Variants in PGCKA1 observed in about 807,000 individuals in gnomAD.
PGCKA1 encodes the protein PDCD10 and GCKIII kinases-associated protein 1.
the PGCKA1 span, among the ~76,000 whole-genome samples, chr4:37,494,871 G>A: frequency 2.0e-5 from 3 of 152,026 alleles, no homozygotes; most frequent in African/African-American, 7.2e-5. Context: ...TTTCTTTAAT[G>A]ATCAGTAATA....
chr4:37,502,501 G>T, the PGCKA1 span, among the ~76,000 whole-genome samples: 2 of 152,150 alleles, frequency 1.3e-5, no homozygotes, highest in Non-Finnish European at 2.9e-5. Context: ...TAGTGTTGAT[G>T]CAGGCACAGG....
chr4:37,542,554 G>T, the PGCKA1 span, among the ~76,000 whole-genome samples: 1 of 142,094 alleles, frequency 7.0e-6, no homozygotes, highest in Admixed American at 6.9e-5. Context: ...CTATCCAATA[G>T]AACTTTCTGT....
the PGCKA1 span, among the ~76,000 whole-genome samples, chr4:37,582,101 CAG>C: frequency 6.6e-6 from 1 of 152,178 alleles, no homozygotes; most frequent in Non-Finnish European, 1.5e-5. Flanking sequence ...CCCAAACACA[CAG>C]ATGCTCTCTC....
chr4:37,476,594 C>T, the PGCKA1 span, among the ~76,000 whole-genome samples: 2 of 152,072 alleles, frequency 1.3e-5, no homozygotes, highest in Non-Finnish European at 2.9e-5. Flanking sequence ...CAAATCCCAG[C>T]CCTAGAACTT....
chr4:37,467,911 A>G, the PGCKA1 span, among the ~76,000 whole-genome samples: 1 of 152,226 alleles, frequency 6.6e-6, no homozygotes, highest in Non-Finnish European at 1.5e-5. Flanking sequence ...GGGGAAAAGA[A>G]AGACTCCCAT....
the PGCKA1 span, among the ~76,000 whole-genome samples, chr4:37,458,253 G>A: frequency 5.9e-5 from 9 of 152,034 alleles, no homozygotes; most frequent in Non-Finnish European, 1.3e-4. Context: ...TCCTACTTCT[G>A]ACTAAAAAGC....
the PGCKA1 span, among the ~76,000 whole-genome samples, chr4:37,483,449 A>C: frequency 6.6e-6 from 1 of 152,002 alleles, no homozygotes; most frequent in African/African-American, 2.4e-5. Flanking sequence ...TTGTTCCTCC[A>C]CACCCTACAC....
At chr4:37,556,030 C>T in the PGCKA1 span, among the ~76,000 whole-genome samples, 12 of 152,144 alleles carry the variant, frequency 7.9e-5, no homozygotes, top group Non-Finnish European at 1.6e-4. Context: ...TTCCACGTTT[C>T]ATTAAATTTT....
At chr4:37,593,049 G>A in the PGCKA1 span, among the ~76,000 whole-genome samples, 3 of 152,154 alleles carry the variant, frequency 2.0e-5, no homozygotes, top group Admixed American at 6.5e-5. Context: ...ACAAGCCATC[G>A]CAAGTGACCT....
chr4:37,491,592 C>T, the PGCKA1 span, among the ~76,000 whole-genome samples: 5 of 152,178 alleles, frequency 3.3e-5, no homozygotes, highest in South Asian at 1.0e-3. Flanking sequence ...TACCAGGTAC[C>T]TTATCAATTC....
chr4:37,467,414 A>G, the PGCKA1 span, among the ~76,000 whole-genome samples: 1 of 152,218 alleles, frequency 6.6e-6, no homozygotes, highest in Non-Finnish European at 1.5e-5. Context: ...CAGGGAAAGC[A>G]GACTTTGCAG....
At chr4:37,545,400 T>C in the PGCKA1 span, among the ~76,000 whole-genome samples, 4 of 152,188 alleles carry the variant, frequency 2.6e-5, no homozygotes, top group Non-Finnish European at 5.9e-5. Context: ...CTGCATTCTT[T>C]GGCTGAGACG....
the PGCKA1 span, among the ~76,000 whole-genome samples, chr4:37,460,152 C>T: frequency 6.6e-6 from 1 of 152,134 alleles, no homozygotes; most frequent in Admixed American, 6.5e-5. Flanking sequence ...CATGTCCCTA[C>T]AGAAGACATG....
chr4:37,572,048 C>CTTTTTTTTTTTTTTTTTTTTTTTT, the PGCKA1 span, among the ~76,000 whole-genome samples: 1 of 111,630 alleles, frequency 9.0e-6, no homozygotes, highest in African/African-American at 3.3e-5. Context: ...AACTTCACAC[C>CTTTTTTTTTTTTTTTTTTTTTTTT]TTTTTTTTTT....
the PGCKA1 span, among the ~76,000 whole-genome samples, chr4:37,567,066 A>AAAAT: frequency 2.0e-4 from 30 of 150,044 alleles, no homozygotes; most frequent in African/African-American, 5.8e-4. Context: ...GCGGACAAAA[A>AAAAT]AAAATAAAAT....
chr4:37,588,121 A>G, the PGCKA1 span: 2 of 152,302 alleles, frequency 1.3e-5, no homozygotes, highest in African/African-American at 2.4e-5. Flanking sequence ...TCCAAAGGAA[A>G]TGATGGGGAA....
At chr4:37,512,948 C>T in the PGCKA1 span, among the ~76,000 whole-genome samples, 1 of 151,940 alleles carries the variant, frequency 6.6e-6, no homozygotes, top group Non-Finnish European at 1.5e-5. Flanking sequence ...ATCAGCTGGG[C>T]GTAGTGGCAC....
the PGCKA1 span, among the ~76,000 whole-genome samples, chr4:37,503,969 A>G: frequency 6.6e-6 from 1 of 152,004 alleles, no homozygotes; most frequent in African/African-American, 2.4e-5. Context: ...ATGTGATCCC[A>G]TTTGTCCATT....
At chr4:37,478,149 C>CTG in the PGCKA1 span, among the ~76,000 whole-genome samples, 5 of 111,522 alleles carry the variant, frequency 4.5e-5, no homozygotes, top group African/African-American at 1.5e-4. Flanking sequence ...AACACCCCCC[C>CTG]CCACCGCCAC....
Sources: allele counts gnomAD v4.1 joint callset (sites outside exome capture counted in the v4.1 genomes callset), GRCh38; gene constraint gnomAD v4.1.1; transcripts MANE v1.5; gene names NCBI Gene and HGNC (gene_info 2026-07-23, HGNC 2026-07-21).